Variants in LSS observed in about 807,000 individuals in gnomAD.
LSS encodes lanosterol synthase.
Under a neutral mutation model 110.3 loss-of-function variants are expected in LSS, and 90 were observed. The ratio of observed to expected loss-of-function variants is 0.82; its 90% confidence interval spans 0.69 to 0.97. The LOEUF (loss-of-function observed/expected upper bound fraction) is 0.97. Among genes scored for constraint, LSS ranks in the 50% least tolerant of loss-of-function variants. LSS has a pLI of 0.00. For missense variants in LSS, 927 were observed against 990.0 expected (o/e 0.94, Z 0.85); for synonymous variants, 433 against 400.0 (o/e 1.08, Z -0.98).
rs1437084346 is a variant in LSS at position 46,188,689 on chromosome 21, C to T, written c.*2415G>A. On this transcript the variant is annotated 3_prime_UTR_variant, in exon 22 of 22. Transcript: ENST00000397728. The stretch of plus-strand genomic sequence containing the variant: ...TCGTGGAACAGGAAAAATACACTCC[C>T]TCTAAACAATGGATTGAACACAGAT... 2.1e-6 allele frequency: 1 copy of T among 470,988 alleles called. No individual in the cohort carries two copies. The highest frequency in any genetic ancestry group is 6.9e-5 in the East Asian group (1 of 14,390). 29.2% of individuals were successfully genotyped at this position (470,988 alleles called of 1,614,324 possible).
chr21:46,191,404 T>C (rs1238229163), intron 21 of LSS, among the ~76,000 whole-genome samples, 169 bp from the exon 22 acceptor site: 1 of 152,130 alleles, frequency 6.6e-6, no homozygotes, highest in Non-Finnish European at 1.5e-5. Flanking sequence ...GCATCAGTCA[T>C]GGCACCATCA....
chr21:46,198,565 G>T (rs2079939806), intron 17 of LSS, among the ~76,000 whole-genome samples: 1 of 152,114 alleles, frequency 6.6e-6, no homozygotes, highest in Non-Finnish European at 1.5e-5. Context: ...AAAAAACCTA[G>T]AATAGTCAAA....
chr21:46,207,520 C>T lies in LSS; in HGVS notation c.1375G>A (p.Glu459Lys). The T allele has an allele frequency of 1.2e-6, 2 of 1,612,190 alleles. No homozygotes were observed. Among genetic ancestry groups the T allele is most frequent in the South Asian group, 2.2e-5 (2 of 90,726 alleles). The stretch of plus-strand genomic sequence containing the variant: ...AGGAGCAGCACAGCCTTCAAGGCCT[C>T]AGCCGTGCAGTCAGAAACGATCCAG... ...CGWIVSDCTA[E>K]ALKAVLLLQE... is the part of the protein sequence containing the mutation. Residue 459 changes from glutamate (E) to lysine (K), a missense_variant, in exon 15 of 22, where the codon GAG (glutamate) becomes AAG (lysine). Coordinates refer to ENST00000397728, the MANE Select transcript of LSS (RefSeq NM_002340.6).
chr21:46,192,246 T>G, intron 20 of LSS: 3 of 530,794 alleles, frequency 5.7e-6, no homozygotes, highest in East Asian at 3.4e-5. Context: ...CCAAGCCTTG[T>G]TCCCAACTGG....
At chr21:46,199,168 G>T (rs1318558184) in intron 17 of LSS, among the ~76,000 whole-genome samples, 1 of 151,948 alleles carries the variant, frequency 6.6e-6, no homozygotes, top group Non-Finnish European at 1.5e-5. Context: ...AATATATGAA[G>T]AACTAAAACT....
intron 21 of LSS, 78 bp from the exon 22 acceptor site, chr21:46,191,313 G>A (rs2079811938): frequency 1.3e-6 from 2 of 1,557,716 alleles, no homozygotes; most frequent in African/African-American, 1.4e-5. Context: ...AGCCCTGGCT[G>A]TTGGCTTGGC....
Position 46,221,890 on chromosome 21 carries a change from C to G in LSS, c.514G>C (p.Asp172His), listed in dbSNP as rs2080284199. The change falls in exon 5 of 22, where the codon GAC becomes CAC. Residue 172 changes from aspartate (D) to histidine (H), a missense_variant. Transcript: ENST00000397728. The stretch of plus-strand genomic sequence containing the variant: ...AGAATGTTCCGGGCTCGTACCAGGT[C>G]AGGATCGTCAGGCCCAACACCCAGA... ...RILGVGPDDP[D>H]LVRARNILHK... 6.2e-7 allele frequency: 1 copy of G among 1,614,018 alleles called. No individual in the cohort carries two copies. The highest frequency in any genetic ancestry group is 1.3e-5 in the African/African-American group (1 of 74,914).
chr21:46,222,006 G>C (rs2080285708), intron 4 of LSS, 31 bp from the exon 5 acceptor site: 1 of 1,611,796 alleles, frequency 6.2e-7, no homozygotes. Context: ...TGAGAAACCG[G>C]TATCTGTCCT....
rs1000926189 is a variant in LSS, at chr21:46,189,283, CTCAGGGCAGACTCTGT to C, written c.*1805_*1820del. ...GGAGTCCCAGGGACAGCAGCCTCTGCTCAGGGCAGACTCTGTGATTCACTGTCTGTCCTGCTGCTAC... is the reference window on the plus strand; with the variant it reads ...GGAGTCCCAGGGACAGCAGCCTCTGCGATTCACTGTCTGTCCTGCTGCTAC... On this transcript the variant is annotated 3_prime_UTR_variant, in exon 22 of 22. Coordinates refer to ENST00000397728, the MANE Select transcript of LSS (RefSeq NM_002340.6). The C allele has an allele frequency of 1.2e-5, 3 of 245,240 alleles. No individual in the cohort carries two copies. Among genetic ancestry groups the C allele is most frequent in the African/African-American group, 6.9e-5 (3 of 43,630 alleles). The allele number at this position is 245,240 out of a possible 1,614,324, so 15.2% of individuals were successfully genotyped here.
Position 46,191,213 on chromosome 21 carries a change from T to G in LSS, c.2090A>C (p.Asn697Thr), listed in dbSNP as rs778916142. ...CGTGTAGGAGATGGCACAGGACTTGTTGAAGACCCCAGCAATGTTTTCCTA... is the reference window on the plus strand; with the variant it reads ...CGTGTAGGAGATGGCACAGGACTTGGTGAAGACCCCAGCAATGTTTTCCTA... ...WPQENIAGVF[N>T]KSCAISYTSY... The change falls in exon 22 of 22, where the codon AAC (asparagine) becomes ACC (threonine). Residue 697 changes from asparagine (N) to threonine (T), a missense_variant. Coordinates refer to ENST00000397728, the MANE Select transcript of LSS (RefSeq NM_002340.6). The G allele has an allele frequency of 2.5e-6, 4 of 1,614,124 alleles. No individual in the cohort carries two copies. Among genetic ancestry groups the G allele is most frequent in the Non-Finnish European group, 3.4e-6 (4 of 1,180,024 alleles).
At chr21:46,215,122 TC>T in intron 9 of LSS, 57 bp downstream of exon 9, 4 of 1,447,596 alleles carry the variant, frequency 2.8e-6, no homozygotes, top group Non-Finnish European at 3.8e-6. Context: ...CTCTAGGACT[TC>T]ACTTTCGGAC....
chr21:46,212,065 G>T (rs1171573380), intron 11 of LSS, among the ~76,000 whole-genome samples: 1 of 150,424 alleles, frequency 6.6e-6, no homozygotes, highest in East Asian at 1.9e-4. Flanking sequence ...GGGAGGGGCA[G>T]GGAGGGGACA....
intron 20 of LSS, chr21:46,192,717 G>A (rs1395277763): frequency 2.2e-6 from 1 of 455,200 alleles, no homozygotes; most frequent in Non-Finnish European, 4.4e-6. Flanking sequence ...GTATGTCTGT[G>A]TGTGGCACAG....
At chr21:46,196,537 A>G (rs1312122449) in intron 17 of LSS, among the ~76,000 whole-genome samples, 2 of 152,236 alleles carry the variant, frequency 1.3e-5, no homozygotes, top group Non-Finnish European at 2.9e-5. Flanking sequence ...AAACAGGAGC[A>G]GCATCCCTGA....
intron 10 of LSS, among the ~76,000 whole-genome samples, chr21:46,213,456 G>A (rs2080159698): frequency 6.6e-6 from 1 of 152,104 alleles, no homozygotes; most frequent in Non-Finnish European, 1.5e-5. Context: ...AGCTCCCCTT[G>A]TCCACAGGCC....
intron 5 of LSS, 98 bp from the exon 6 acceptor site, chr21:46,219,670 G>T: frequency 3.0e-6 from 2 of 673,250 alleles, no homozygotes; most frequent in Non-Finnish European, 2.4e-6. Flanking sequence ...AGTCACGTGT[G>T]CCCCTCTCCA....
rs2123675058 is a variant in LSS at position 46,188,984 on chromosome 21, AC to A, written c.*2119del. The A allele has an allele frequency of 8.5e-6, 3 of 353,098 alleles. No homozygotes were observed. The highest frequency in any genetic ancestry group is 6.5e-5 in the South Asian group (3 of 45,916). 21.9% of individuals were successfully genotyped at this position (353,098 alleles called of 1,614,324 possible). Reference sequence around the variant, plus strand: ...TTTTCCCTCAGGTAACTGGAGACGCACCCTGCTACTCCTCACGTCACTCTTG... The same window carrying A: ...TTTTCCCTCAGGTAACTGGAGACGCACCTGCTACTCCTCACGTCACTCTTG... On this transcript the variant is annotated 3_prime_UTR_variant, in exon 22 of 22. Transcript: ENST00000397728.
intron 15 of LSS, 129 bp from the exon 16 acceptor site, chr21:46,206,897 A>T: frequency 1.4e-6 from 1 of 711,570 alleles, no homozygotes; most frequent in Non-Finnish European, 2.5e-6. Context: ...GGGGGCGGAG[A>T]GCTGATTTCC....
rs931027189 is a variant in LSS at position 46,227,543 on chromosome 21, T to A, written c.319+9A>T. ...GCCATACCATCAGGCTGGGGCAGCA[T>A]ACTCCTACCTGGCAGGAGGAAAAGT... On this transcript the variant is annotated intron_variant, in intron 3 of 21. Coordinates refer to ENST00000397728, the MANE Select transcript of LSS (RefSeq NM_002340.6). 1 of 1,613,798 alleles carries A rather than the reference T, an allele frequency of 6.2e-7. No homozygotes were observed. Among genetic ancestry groups the A allele is most frequent in the Admixed American group, 1.7e-5 (1 of 59,990 alleles).
Sources: allele counts gnomAD v4.1 joint callset (sites outside exome capture counted in the v4.1 genomes callset), GRCh38; gene constraint gnomAD v4.1.1; transcripts MANE v1.5; gene names NCBI Gene and HGNC (gene_info 2026-07-23, HGNC 2026-07-21).